NTRK3: variants seen among roughly 807,000 people sequenced by gnomAD.
NTRK3 encodes neurotrophic receptor tyrosine kinase 3.
NTRK3 carries 24 observed loss-of-function variants against 91.7 expected under a neutral mutation model. The observed-to-expected ratio is 0.26, with a 90% CI of 0.19 to 0.37. NTRK3 has a LOEUF of 0.37. NTRK3 is among the 10% of genes least tolerant of loss of function. NTRK3 has a pLI of 1.00. For missense variants in NTRK3, 880 were observed against 1,068.9 expected (o/e 0.82, Z 2.46); for synonymous variants, 483 against 404.0 (o/e 1.20, Z -2.34).
chr15:87,946,687 C>T (rs76527262), intron 14 of NTRK3, among the ~76,000 whole-genome samples: 1 of 152,262 alleles, frequency 6.6e-6, no homozygotes, highest in East Asian at 1.9e-4. Context: ...TTCCTGTCCT[C>T]ATCACTGAGA....
At chr15:88,193,194 C>G (rs2047548975) in intron 3 of NTRK3, among the ~76,000 whole-genome samples, 1 of 152,160 alleles carries the variant, frequency 6.6e-6, no homozygotes, top group African/African-American at 2.4e-5. Context: ...GGCCCTCACC[C>G]TGGCCCCCTG....
chr15:88,035,776 CA>C (rs1027968917), intron 13 of NTRK3, among the ~76,000 whole-genome samples: 2 of 151,612 alleles, frequency 1.3e-5, no homozygotes, highest in Non-Finnish European at 2.9e-5. Context: ...ACTTTCTAAA[CA>C]AAAAAAACTA....
chr15:88,029,469 A>C (rs556507927), intron 14 of NTRK3, among the ~76,000 whole-genome samples: 6 of 152,360 alleles, frequency 3.9e-5, no homozygotes, highest in Non-Finnish European at 7.3e-5. Flanking sequence ...ACTGTTTATA[A>C]TAAATACATA....
At chr15:87,905,123 A>C (rs1302164290) in intron 17 of NTRK3, among the ~76,000 whole-genome samples, 1 of 152,238 alleles carries the variant, frequency 6.6e-6, no homozygotes, top group Non-Finnish European at 1.5e-5. Flanking sequence ...TGATGGTAAC[A>C]ATGTAATGAA....
intron 17 of NTRK3, among the ~76,000 whole-genome samples, chr15:87,912,931 A>AAAATATATAT (rs1484111389): frequency 2.0e-3 from 74 of 36,422 alleles, no homozygotes; most frequent in Admixed American, 2.3e-3. Context: ...AGTAAAAAAA[A>AAAATATATAT]ATATATATAT....
intron 3 of NTRK3, among the ~76,000 whole-genome samples, chr15:88,195,315 T>C (rs975543723): frequency 3.3e-5 from 5 of 152,368 alleles, no homozygotes; most frequent in South Asian, 2.1e-4. Context: ...TCCTAATGCA[T>C]TGCAGGCTCC....
chr15:87,903,173 A>T (rs2066555676), intron 17 of NTRK3, among the ~76,000 whole-genome samples: 1 of 152,250 alleles, frequency 6.6e-6, no homozygotes, highest in Admixed American at 6.5e-5. Flanking sequence ...GGCTCAAGAG[A>T]GGTGGGCACC....
chr15:87,878,924 T>TGG (rs1187666338), intron 18 of NTRK3, among the ~76,000 whole-genome samples: 2 of 149,666 alleles, frequency 1.3e-5, no homozygotes, highest in East Asian at 4.1e-4. Flanking sequence ...TGTGTGTGTG[T>TGG]GTGTGTGTGT....
chr15:87,884,417 CT>C (rs2065420714), intron 17 of NTRK3, among the ~76,000 whole-genome samples: 1 of 151,562 alleles, frequency 6.6e-6, no homozygotes, highest in South Asian at 2.1e-4. Context: ...CTTATTTATA[CT>C]TTTTCAAAGC....
intron 14 of NTRK3, among the ~76,000 whole-genome samples, chr15:87,969,027 C>T (rs1350549315): frequency 6.6e-6 from 1 of 152,072 alleles, no homozygotes; most frequent in Non-Finnish European, 1.5e-5. Flanking sequence ...ATGCTATCCC[C>T]CCACCCCCTG....
At chr15:87,890,617 T>C (rs935464003) in intron 17 of NTRK3, among the ~76,000 whole-genome samples, 1 of 151,308 alleles carries the variant, frequency 6.6e-6, no homozygotes, top group African/African-American at 2.5e-5. Context: ...ACTTGAAGTG[T>C]TTCATTCTAT....
At chr15:87,936,282 G>C (rs2069269124) in intron 15 of NTRK3, among the ~76,000 whole-genome samples, 2 of 152,184 alleles carry the variant, frequency 1.3e-5, no homozygotes, top group Admixed American at 6.5e-5. Flanking sequence ...GTACAAAAAG[G>C]AGAGCTAGAA....
chr15:87,952,340 C>A (rs955749087), intron 14 of NTRK3, among the ~76,000 whole-genome samples: 2 of 152,198 alleles, frequency 1.3e-5, no homozygotes, highest in Non-Finnish European at 2.9e-5. Flanking sequence ...CCAGTCTAGT[C>A]GTGAGCTCCT....
rs150633031 is a variant in NTRK3 at position 88,102,371 on chromosome 15, G to T, written c.1396+23900C>A. On this transcript the variant is annotated intron_variant, in intron 13 of 18. Transcript: ENST00000394480. Reference sequence around the variant, plus strand: ...CTTAGGCCACCTGGAAAGGACAAAAGAAAAAGAAACTTGCAGGAATGGTTA... The same window carrying T: ...CTTAGGCCACCTGGAAAGGACAAAATAAAAAGAAACTTGCAGGAATGGTTA... Among the ~76,000 whole-genome samples, 77 of 152,206 alleles carry T rather than the reference G, an allele frequency of 5.1e-4. No individual in the cohort carries two copies. In the East Asian group the frequency reaches 0.012, roughly 24 times the overall value.
chr15:87,925,360 G>A (rs557473330), intron 17 of NTRK3, among the ~76,000 whole-genome samples: 1 of 151,950 alleles, frequency 6.6e-6, no homozygotes, highest in East Asian at 1.9e-4. Flanking sequence ...AAGACTATAA[G>A]GAGGAGTTTA....
At chr15:88,153,528 T>C (rs768197964) in intron 5 of NTRK3, among the ~76,000 whole-genome samples, 3 of 152,226 alleles carry the variant, frequency 2.0e-5, no homozygotes, top group Non-Finnish European at 4.4e-5. Flanking sequence ...GTGCTGGGAT[T>C]ACAGGTGTAA....
Position 88,240,028 on chromosome 15 carries a change from A to G in NTRK3, c.248+15878T>C, listed in dbSNP as rs978315820. On this transcript the variant is annotated intron_variant, in intron 3 of 18. Transcript: ENST00000394480. This position sits in a 1 kb window ranked among gnomAD's most constrained non-coding sequence, Gnocchi z 4.9. ...ACAGGGTCTGGTCTCCAGAACACAC[A>G]TATACACACACAGCGACACACACAG... Among the ~76,000 whole-genome samples, 1 of 151,914 alleles carries G rather than the reference A, an allele frequency of 6.6e-6. No homozygotes were observed. Among genetic ancestry groups the G allele is most frequent in the Non-Finnish European group, 1.5e-5 (1 of 67,980 alleles).
chr15:87,981,502 G>A (rs186674059), intron 14 of NTRK3: 192 of 1,040,804 alleles, frequency 1.8e-4, no homozygotes, highest in Admixed American at 6.1e-4. Flanking sequence ...ACTCTGCTGT[G>A]CCTGTAGTGG....
chr15:88,091,050 G>T (rs2150754828), intron 13 of NTRK3, among the ~76,000 whole-genome samples: 2 of 152,294 alleles, frequency 1.3e-5, no homozygotes, highest in Non-Finnish European at 2.9e-5. Flanking sequence ...TGAACCCTGG[G>T]CCCCAGAGGA....
Sources: gnomAD v4.1 joint callset for allele counts (sites outside exome capture counted in the v4.1 genomes callset) on GRCh38, gnomAD v4.1.1 for gene constraint, Gnocchi (gnomAD v3.1) non-coding constraint, MANE v1.5 for transcripts, NCBI Gene and HGNC (gene_info 2026-07-23, HGNC 2026-07-21) for gene names.